EMP2: variants seen among roughly 807,000 people sequenced by gnomAD.
The protein encoded by EMP2 is epithelial membrane protein 2.
EMP2 carries 19 observed loss-of-function variants against 13.7 expected under a neutral mutation model. The observed-to-expected ratio is 1.38, with a 90% confidence interval of 0.97 to 2.03. EMP2 has a LOEUF of 2.03. Ranked by LOEUF, EMP2 falls within the 30% of genes most tolerant of loss-of-function variation. EMP2 has a pLI of 0.00. For missense variants in EMP2, 253 were observed against 220.7 expected, an observed-to-expected ratio of 1.15 and a Z score of -0.93; for synonymous variants, 97 against 84.7, an observed-to-expected ratio of 1.15 and a Z score of -0.80.
In EMP2 at chr16:10,537,884, A is replaced by T. The variant is rs148398770; in HGVS notation, c.316+44T>A. The T allele has an allele frequency of 4.0e-4, 644 of 1,604,044 alleles. 2 individuals carry two copies. The African/African-American group carries it at 7.9e-3, about 20-fold the overall frequency. On this transcript the variant is annotated intron_variant, in intron 4 of 4. Coordinates refer to ENST00000359543, the MANE Select transcript of EMP2 (RefSeq NM_001424.6). ...CCTGGCGGCTGGGAAGGGAGTGCTTATTCCAGAAAGCCCCTTGTTAGGGAA... is the reference window on the plus strand; with the variant it reads ...CCTGGCGGCTGGGAAGGGAGTGCTTTTTCCAGAAAGCCCCTTGTTAGGGAA...
intron 1 of EMP2, among the ~76,000 whole-genome samples, chr16:10,555,123 C>T (rs1188934483): frequency 6.6e-6 from 1 of 152,136 alleles, no homozygotes; most frequent in East Asian, 1.9e-4. Context: ...CCAAGACTTG[C>T]TCCATCTCAC....
intron 1 of EMP2, among the ~76,000 whole-genome samples, chr16:10,565,494 C>T (rs562867898): frequency 2.0e-5 from 3 of 152,194 alleles, no homozygotes; most frequent in South Asian, 2.1e-4. Flanking sequence ...CCTGCTGGCC[C>T]GCCCTGCAGA....
intron 1 of EMP2, among the ~76,000 whole-genome samples, chr16:10,569,849 C>T (rs1205550202): frequency 6.6e-6 from 1 of 152,196 alleles, no homozygotes; most frequent in East Asian, 1.9e-4. Context: ...GACCCCATGT[C>T]ACACTGGTAT....
chr16:10,550,958 G>A, intron 1 of EMP2, among the ~76,000 whole-genome samples: 1 of 139,812 alleles, frequency 7.2e-6, no homozygotes, highest in South Asian at 2.3e-4. Flanking sequence ...CTGGGTGACA[G>A]AGAGAGATTC....
chr16:10,570,799 C>T (rs563183439), intron 1 of EMP2, among the ~76,000 whole-genome samples: 1 of 152,210 alleles, frequency 6.6e-6, no homozygotes, highest in South Asian at 2.1e-4. Flanking sequence ...CCTCGGCCTT[C>T]CAAAGTGCTG....
intron 4 of EMP2, among the ~76,000 whole-genome samples, chr16:10,536,515 C>T (rs112177691): frequency 0.044 from 6,711 of 152,222 alleles, 502 homozygotes; most frequent in African/African-American, 0.15. Context: ...CTCTCTTTCC[C>T]GCTGCCATGT....
chr16:10,561,540 G>A (rs570665004), intron 1 of EMP2, among the ~76,000 whole-genome samples: 1 of 152,320 alleles, frequency 6.6e-6, no homozygotes, highest in South Asian at 2.1e-4. Flanking sequence ...GAAGCCAGGA[G>A]AGAAAAGACT....
chr16:10,573,703 G>A (rs1476482000), intron 1 of EMP2, among the ~76,000 whole-genome samples: 1 of 152,132 alleles, frequency 6.6e-6, no homozygotes, highest in Non-Finnish European at 1.5e-5. Flanking sequence ...TTTCAATCCA[G>A]TTCCTTCCCT....
intron 4 of EMP2, among the ~76,000 whole-genome samples, chr16:10,535,942 G>C (rs2050643805): frequency 6.6e-6 from 1 of 152,166 alleles, no homozygotes; most frequent in African/African-American, 2.4e-5. Context: ...AAATCCCCAG[G>C]CTCTAACCCA....
chr16:10,546,182 T>G (rs1200703816), intron 2 of EMP2: 1 of 152,138 alleles, frequency 6.6e-6, no homozygotes, highest in Non-Finnish European at 1.5e-5. Flanking sequence ...GCATTATAGT[T>G]TATGTTACTA....
At chr16:10,540,331 C>A (rs2050684649) in intron 3 of EMP2, among the ~76,000 whole-genome samples, 1 of 152,220 alleles carries the variant, frequency 6.6e-6, no homozygotes, top group East Asian at 1.9e-4. Context: ...TATGGCAAAA[C>A]CCTGTCTCTA....
In EMP2 at chr16:10,532,845, C is replaced by T. The variant is rs1468039924; in HGVS notation, c.*60G>A. The T allele has an allele frequency of 9.8e-7, 1 of 1,023,932 alleles. No homozygotes were observed. The highest frequency in any genetic ancestry group is 2.0e-5 in the African/African-American group (1 of 49,520). The allele number at this position is 1,023,932 out of a possible 1,614,324, so 63.4% of individuals were successfully genotyped here. A position where few individuals can be genotyped will look rare whatever the true frequency, so the allele number is the denominator to read the frequency against. On this transcript the variant is annotated 3_prime_UTR_variant, in exon 5 of 5. Coordinates refer to ENST00000359543, the MANE Select transcript of EMP2 (RefSeq NM_001424.6). ...AACCTCAAAAAATAATGATTATATA[C>T]AAAATGGTTATCTGAATGTGGATTC... is the stretch of plus-strand genomic sequence containing the variant.
At chr16:10,571,189 G>C (rs1208647905) in intron 1 of EMP2, among the ~76,000 whole-genome samples, 1 of 147,510 alleles carries the variant, frequency 6.8e-6, no homozygotes, top group African/African-American at 2.5e-5. Context: ...CCAGGGAGTC[G>C]GCGGCTGCAG....
chr16:10,579,696 T>A (rs1284362105), intron 1 of EMP2, among the ~76,000 whole-genome samples: 2 of 126,082 alleles, frequency 1.6e-5, no homozygotes, highest in Non-Finnish European at 3.3e-5. Flanking sequence ...AGCTGAATTA[T>A]AAGATCAAGG....
intron 1 of EMP2, among the ~76,000 whole-genome samples, chr16:10,569,522 G>T (rs182592503): frequency 1.3e-5 from 2 of 151,824 alleles, no homozygotes; most frequent in Non-Finnish European, 2.9e-5. Context: ...GTCTCCCTAT[G>T]TTCCTTGAAC....
chr16:10,542,094 A>G (rs533276173), intron 3 of EMP2, among the ~76,000 whole-genome samples: 152 of 152,302 alleles, frequency 1.0e-3, no homozygotes, highest in African/African-American at 3.5e-3. Flanking sequence ...GATGCCCAGT[A>G]CATGAATATC....
rs1160044753 is a variant in EMP2, at chr16:10,530,798, C to T, written c.*2107G>A. Reference sequence around the variant, plus strand: ...CGCATTTACTGTCGGGACCATGGGCCCCTCCACAGACATGTTTTCTGGGTG... The same window carrying T: ...CGCATTTACTGTCGGGACCATGGGCTCCTCCACAGACATGTTTTCTGGGTG... On this transcript the variant is annotated 3_prime_UTR_variant, in exon 5 of 5. Transcript: ENST00000359543. The T allele has an allele frequency of 6.6e-6, 1 of 152,174 alleles. No homozygotes were observed. Among genetic ancestry groups the T allele is most frequent in the Non-Finnish European group, 1.5e-5 (1 of 68,072 alleles). The allele number at this position is 152,174 out of a possible 1,614,324, so 9.4% of individuals were successfully genotyped here. A position where few individuals can be genotyped will look rare whatever the true frequency, so the allele number is the denominator to read the frequency against.
chr16:10,533,134 C>A, intron 4 of EMP2, 42 bp from the exon 5 acceptor site: 1 of 1,481,550 alleles, frequency 6.7e-7, no homozygotes, highest in Non-Finnish European at 9.0e-7. Flanking sequence ...TCATGGACCA[C>A]AGTGCACCCT....
At chr16:10,564,001 C>A (rs1251262606) in intron 1 of EMP2, among the ~76,000 whole-genome samples, 2 of 152,230 alleles carry the variant, frequency 1.3e-5, no homozygotes, top group East Asian at 3.8e-4. Context: ...CTTGAAGTGG[C>A]AATGTACAAC....
Sources: allele counts gnomAD v4.1 joint callset (sites outside exome capture counted in the v4.1 genomes callset), GRCh38; gene constraint gnomAD v4.1.1; transcripts MANE v1.5; gene names NCBI Gene and HGNC (gene_info 2026-07-23, HGNC 2026-07-21).